SPATA13: variants seen among roughly 807,000 people sequenced by gnomAD.
SPATA13 encodes the protein spermatogenesis-associated protein 13.
A neutral mutation model predicts 104.0 loss-of-function variants in SPATA13; 50 were observed. That is an observed-to-expected ratio of 0.48 (90% CI 0.38 to 0.61). The LOEUF is 0.61. Ranked by LOEUF, SPATA13 falls within the 20% of genes least tolerant of loss-of-function variation. The pLI is 0.00. For synonymous variants in SPATA13, 606 were observed against 667.5 expected, an observed-to-expected ratio of 0.91 and a Z score of 1.42; for missense variants, 1,524 against 1,690.6, an observed-to-expected ratio of 0.90 and a Z score of 1.73.
intron 3 of SPATA13, among the ~76,000 whole-genome samples, chr13:24,150,139 G>A (rs896949982): frequency 6.6e-5 from 10 of 152,132 alleles, no homozygotes; most frequent in South Asian, 2.1e-4. Flanking sequence ...AGTCACATTA[G>A]AACATGGTGG....
chr13:24,218,433 G>A (rs969027178), intron 1 of SPATA13, among the ~76,000 whole-genome samples: 6 of 152,122 alleles, frequency 3.9e-5, no homozygotes, highest in Admixed American at 3.9e-4. Context: ...TACAGCAATG[G>A]TAGTAAGCTA....
intron 1 of SPATA13, among the ~76,000 whole-genome samples, chr13:24,210,188 A>C (rs1173681126): frequency 6.6e-6 from 1 of 152,000 alleles, no homozygotes; most frequent in Non-Finnish European, 1.5e-5. Flanking sequence ...TTAGTCCTTT[A>C]CTTGTTATAT....
intron 2 of SPATA13, among the ~76,000 whole-genome samples, chr13:24,234,927 C>A (rs1872495378): frequency 6.6e-6 from 1 of 152,114 alleles, no homozygotes; most frequent in Admixed American, 6.5e-5. Context: ...GCAGTATGTT[C>A]TTAAGAAAGA....
At chr13:24,235,935 T>C (rs1411113474) in intron 2 of SPATA13, among the ~76,000 whole-genome samples, 1 of 152,228 alleles carries the variant, frequency 6.6e-6, no homozygotes, top group African/African-American at 2.4e-5. Context: ...TTTCAGTGGA[T>C]GAAGTTCCAT....
At chr13:24,272,083 C>T (rs1273480981) in intron 4 of SPATA13, among the ~76,000 whole-genome samples, 2 of 152,230 alleles carry the variant, frequency 1.3e-5, no homozygotes, top group African/African-American at 2.4e-5. Flanking sequence ...AGGAAGCGGA[C>T]GTGCGGGTGC....
chr13:24,193,039 G>A (rs1869859235), intron 1 of SPATA13, among the ~76,000 whole-genome samples: 1 of 152,202 alleles, frequency 6.6e-6, no homozygotes, highest in African/African-American at 2.4e-5. Context: ...TGTGGGCTGA[G>A]AGCCCTGGGG....
At chr13:24,020,863 G>GA (rs1286715334) in intron 3 of SPATA13, among the ~76,000 whole-genome samples, 6 of 152,142 alleles carry the variant, frequency 3.9e-5, no homozygotes, top group Non-Finnish European at 8.8e-5. Flanking sequence ...CCGAGATGGT[G>GA]AAAACCGGTC....
At chr13:24,094,587 A>T (rs959415796) in intron 3 of SPATA13, among the ~76,000 whole-genome samples, 13 of 152,186 alleles carry the variant, frequency 8.5e-5, no homozygotes, top group African/African-American at 3.1e-4. Context: ...AAAATGTTTT[A>T]AAATTTAAAA....
In SPATA13 at chr13:24,203,844, G is replaced by A. The variant is rs189738622; in HGVS notation, c.-111-18975G>A. Among the ~76,000 whole-genome samples, 218 of 152,248 alleles carry A rather than the reference G, an allele frequency of 1.4e-3. 1 individual carries two copies. Among genetic ancestry groups the A allele is most frequent in the Admixed American group, 3.2e-3 (49 of 15,298 alleles). On this transcript the variant is annotated intron_variant, in intron 1 of 12. Coordinates refer to ENST00000382108, the MANE Select transcript of SPATA13 (RefSeq NM_001166271.3). Reference sequence around the variant, plus strand: ...ATCCAAACCTAATGTTTACAAAGAAGCTCTGAATGTTTCAACAAATATTTA... The same window carrying A: ...ATCCAAACCTAATGTTTACAAAGAAACTCTGAATGTTTCAACAAATATTTA...
At position 24,304,959 on chromosome 13, in the gene SPATA13, T is replaced by C. The variant is rs1396046205; in HGVS notation, c.*2186T>C. 1 of 152,264 alleles carries C rather than the reference T, an allele frequency of 6.6e-6. No homozygotes were observed. The highest frequency in any genetic ancestry group is 2.1e-4 in the South Asian group (1 of 4,838). The allele number at this position is 152,264 out of a possible 1,614,324, so 9.4% of individuals were successfully genotyped here. ...GATATATGTTGGAAACTACTTAATA[T>C]GCTTTTCCTGCACACCTTAGCAATA... On this transcript the variant is annotated 3_prime_UTR_variant, in exon 13 of 13. Coordinates refer to ENST00000382108, the MANE Select transcript of SPATA13 (RefSeq NM_001166271.3).
chr13:24,206,890 CAAAA>C (rs58744273), intron 1 of SPATA13, among the ~76,000 whole-genome samples: 8 of 141,114 alleles, frequency 5.7e-5, no homozygotes, highest in Non-Finnish European at 9.2e-5. Context: ...AACTCTGTCT[CAAAA>C]AAAAAAAAAA....
chr13:24,187,002 A>G (rs1869192582), intron 1 of SPATA13, among the ~76,000 whole-genome samples: 2 of 152,216 alleles, frequency 1.3e-5, no homozygotes, highest in Admixed American at 6.5e-5. Context: ...AGAAGAACCA[A>G]CAAAGAGACT....
chr13:24,212,779 G>A (rs1187676812), intron 1 of SPATA13, among the ~76,000 whole-genome samples: 1 of 152,246 alleles, frequency 6.6e-6, no homozygotes, highest in Non-Finnish European at 1.5e-5. Context: ...TTGGTGGATA[G>A]GCAGGCTCAG....
chr13:24,182,935 G>A (rs932763825), intron 1 of SPATA13, among the ~76,000 whole-genome samples: 2 of 152,124 alleles, frequency 1.3e-5, no homozygotes, highest in African/African-American at 4.8e-5. Flanking sequence ...TCACAGCAGG[G>A]CCTTGGTGCC....
intron 2 of SPATA13, among the ~76,000 whole-genome samples, chr13:24,248,677 A>C (rs1049613099): frequency 1.3e-5 from 2 of 152,144 alleles, no homozygotes; most frequent in African/African-American, 4.8e-5. Context: ...TGGGAGCCAG[A>C]GGCTGCTCGA....
At chr13:24,054,869 A>T (rs1265934645) in intron 3 of SPATA13, among the ~76,000 whole-genome samples, 2 of 152,250 alleles carry the variant, frequency 1.3e-5, no homozygotes, top group African/African-American at 4.8e-5. Context: ...ATTGTGTGAC[A>T]GATCATACAA....
At chr13:24,036,941 A>G (rs945908514) in intron 3 of SPATA13, among the ~76,000 whole-genome samples, 6 of 151,122 alleles carry the variant, frequency 4.0e-5, no homozygotes, top group Admixed American at 1.3e-4. Flanking sequence ...ATGCCCAGCT[A>G]ATTTTTGTAT....
chr13:24,021,500 A>C (rs1190314786), intron 3 of SPATA13, among the ~76,000 whole-genome samples: 1 of 152,164 alleles, frequency 6.6e-6, no homozygotes, highest in Non-Finnish European at 1.5e-5. Flanking sequence ...CTCTTAACAA[A>C]AAATATAAAA....
intron 2 of SPATA13, among the ~76,000 whole-genome samples, chr13:24,238,448 C>A (rs1263865936): frequency 1.3e-5 from 2 of 152,026 alleles, no homozygotes; most frequent in African/African-American, 4.8e-5. Flanking sequence ...TGAGCCACTG[C>A]CCCCGGCCTC....
Sources: allele counts gnomAD v4.1 joint callset (sites outside exome capture counted in the v4.1 genomes callset), GRCh38; gene constraint gnomAD v4.1.1; transcripts MANE v1.5; gene names NCBI Gene and HGNC (gene_info 2026-07-23, HGNC 2026-07-21).